ASZ1: variants seen among roughly 807,000 people sequenced by gnomAD.
ASZ1 encodes ankyrin repeat, SAM and basic leucine zipper domain containing 1.
In ASZ1, 67 loss-of-function variants were observed where a neutral mutation model predicts 61.8. The observed-to-expected ratio is 1.08, with a 90% CI of 0.89 to 1.33. The LOEUF is 1.33. ASZ1 is among the 40% of genes most tolerant of loss of function. ASZ1 has a pLI of 0.00. For missense variants in ASZ1, 577 were observed against 554.5 expected, an observed-to-expected ratio of 1.04 and a Z score of -0.41; for synonymous variants, 193 against 192.7, an observed-to-expected ratio of 1.00 and a Z score of -0.01.
At chr7:117,375,322 T>A (rs532769407) in intron 10 of ASZ1, among the ~76,000 whole-genome samples, 1 of 152,184 alleles carries the variant, frequency 6.6e-6, no homozygotes, top group East Asian at 1.9e-4. Context: ...TCTTATTTAT[T>A]CTGGACCTTA....
Position 117,425,514 on chromosome 7 carries a change from C to T in ASZ1, c.205+1322G>A, listed in dbSNP as rs1413349102. ...CGATCTCCTGACCTCGTGATCCGCCCGCCTTGGACTCCCAAAGTGCTGGGA... is the reference window on the plus strand; with the variant it reads ...CGATCTCCTGACCTCGTGATCCGCCTGCCTTGGACTCCCAAAGTGCTGGGA... On this transcript the variant is annotated intron_variant, in intron 2 of 12. Coordinates refer to ENST00000284629, the MANE Select transcript of ASZ1 (RefSeq NM_130768.3). 3.9e-5 allele frequency among the ~76,000 whole-genome samples: 6 copies of T among 151,946 alleles called. 1 individual carries two copies. The South Asian group carries it at 1.0e-3, about 26-fold the overall frequency.
At chr7:117,419,868 C>T (rs17139819) in intron 4 of ASZ1, among the ~76,000 whole-genome samples, 3,197 of 152,198 alleles carry the variant, frequency 0.021, 111 homozygotes, top group African/African-American at 0.073. Context: ...ACAGGTCAAT[C>T]GTCATATTCT....
At chr7:117,411,698 G>A (rs938410082) in intron 4 of ASZ1, among the ~76,000 whole-genome samples, 1 of 151,744 alleles carries the variant, frequency 6.6e-6, no homozygotes, top group African/African-American at 2.4e-5. Flanking sequence ...TGCTTACTCT[G>A]TGGCTAGGCA....
chr7:117,420,179 G>C lies in ASZ1; in HGVS notation c.424C>G (p.Pro142Ala). The C allele has an allele frequency of 6.2e-7, 1 of 1,609,964 alleles. No homozygotes were observed. The highest frequency in any genetic ancestry group is 8.5e-7 in the Non-Finnish European group (1 of 1,178,478). The change falls in exon 4 of 13, where the codon CCA becomes GCA. Residue 142 changes from proline (P) to alanine (A), a missense_variant. Coordinates refer to ENST00000284629, the MANE Select transcript of ASZ1 (RefSeq NM_130768.3). Reference sequence around the variant, plus strand: ...GGCTCTTACCTACAAGCAACATTTGGATCAGCATTTCTTGAAAGTAGTAGT... The same window carrying C: ...GGCTCTTACCTACAAGCAACATTTGCATCAGCATTTCTTGAAAGTAGTAGT... Reference protein sequence around the residue: ...VELLLSRNADPNVACRRLMTP... With the variant: ...VELLLSRNADANVACRRLMTP...
At chr7:117,388,946 G>A (rs981892202) in intron 4 of ASZ1, among the ~76,000 whole-genome samples, 3 of 152,058 alleles carry the variant, frequency 2.0e-5, no homozygotes, top group African/African-American at 7.2e-5. Flanking sequence ...GCATTCAAGA[G>A]AAATATTTAA....
intron 5 of ASZ1, among the ~76,000 whole-genome samples, chr7:117,385,188 T>A (rs758344449): frequency 1.3e-5 from 2 of 151,684 alleles, no homozygotes; most frequent in African/African-American, 2.4e-5. Flanking sequence ...GATTTTGCTG[T>A]GTGTTACAAT....
chr7:117,379,840 G>T, intron 10 of ASZ1, 98 bp downstream of exon 10: 1 of 711,832 alleles, frequency 1.4e-6, no homozygotes, highest in South Asian at 2.3e-5. Context: ...GAAAATGATG[G>T]TATCAAGTAA....
intron 4 of ASZ1, among the ~76,000 whole-genome samples, chr7:117,419,550 C>G (rs932903709): frequency 1.3e-5 from 2 of 151,940 alleles, no homozygotes; most frequent in Admixed American, 1.3e-4. Context: ...AAATGAAACA[C>G]AAAGAGAGAT....
At chr7:117,408,223 T>A (rs1796828641) in intron 4 of ASZ1, among the ~76,000 whole-genome samples, 1 of 152,128 alleles carries the variant, frequency 6.6e-6, no homozygotes, top group Non-Finnish European at 1.5e-5. Flanking sequence ...CCACAACCAG[T>A]CATCTCATTA....
chr7:117,370,933 T>C (rs1409107113), intron 10 of ASZ1, among the ~76,000 whole-genome samples: 1 of 151,816 alleles, frequency 6.6e-6, no homozygotes, highest in Admixed American at 6.6e-5. Context: ...CAAGTGATTC[T>C]CATGCCTCAG....
chr7:117,385,559 C>G (rs1796337782), intron 5 of ASZ1, 139 bp downstream of exon 5: 2 of 711,424 alleles, frequency 2.8e-6, no homozygotes, highest in African/African-American at 1.8e-5. Context: ...CCATACCCTT[C>G]TATTTCAACT....
rs1751112615 is a variant in ASZ1 at position 117,382,969 on chromosome 7, A to T, written c.812+17T>A. ...TTACTTATAGGTATTCTGTTGAACT[A>T]AAACATGCTATATTACCTAAAAATG... is the stretch of plus-strand genomic sequence containing the variant. On this transcript the variant is annotated intron_variant, in intron 7 of 12. Coordinates refer to ENST00000284629, the MANE Select transcript of ASZ1 (RefSeq NM_130768.3). 2 of 1,539,070 alleles carry T rather than the reference A, an allele frequency of 1.3e-6. No homozygotes were observed. The highest frequency in any genetic ancestry group is 1.4e-5 in the African/African-American group (1 of 71,072).
chr7:117,377,024 TCAAA>T (rs1163369155), intron 10 of ASZ1, among the ~76,000 whole-genome samples: 3 of 152,016 alleles, frequency 2.0e-5, no homozygotes, highest in Admixed American at 1.3e-4. Context: ...ATAGAAAATC[TCAAA>T]CAATCTACAA....
At chr7:117,380,535 C>G (rs1043064013) in intron 9 of ASZ1, among the ~76,000 whole-genome samples, 1 of 151,572 alleles carries the variant, frequency 6.6e-6, no homozygotes, top group Admixed American at 6.6e-5. Flanking sequence ...GTCATGCAGT[C>G]AGATCATTGC....
At chr7:117,364,931 G>A (rs1220249258) in intron 12 of ASZ1, among the ~76,000 whole-genome samples, 1 of 151,956 alleles carries the variant, frequency 6.6e-6, no homozygotes. Context: ...GTGATGTGGT[G>A]TTAAAGTCTA....
intron 10 of ASZ1, among the ~76,000 whole-genome samples, chr7:117,372,501 C>T (rs1254271062): frequency 2.0e-5 from 3 of 152,032 alleles, no homozygotes; most frequent in Non-Finnish European, 2.9e-5. Flanking sequence ...ATGATATAGA[C>T]GATCAGGAAA....
At chr7:117,406,881 C>G (rs1025816029) in intron 4 of ASZ1, among the ~76,000 whole-genome samples, 14 of 151,882 alleles carry the variant, frequency 9.2e-5, no homozygotes, top group African/African-American at 3.4e-4. Context: ...GTTAAAAGTA[C>G]TAATTTAGAG....
At chr7:117,388,885 G>GTTTCTATATATAAA (rs1796410315) in intron 4 of ASZ1, among the ~76,000 whole-genome samples, 1 of 152,102 alleles carries the variant, frequency 6.6e-6, no homozygotes, top group Admixed American at 6.6e-5. Flanking sequence ...TAGAAAACCT[G>GTTTCTATATATAAA]ATGGACTCCA....
chr7:117,403,684 A>G (rs575566980), intron 4 of ASZ1, among the ~76,000 whole-genome samples: 31 of 152,154 alleles, frequency 2.0e-4, no homozygotes, highest in Non-Finnish European at 3.7e-4. Context: ...TATTGCTGTT[A>G]TAGGTCCTTG....
Sources: gnomAD v4.1 joint callset for allele counts (sites outside exome capture counted in the v4.1 genomes callset) on GRCh38, gnomAD v4.1.1 for gene constraint, MANE v1.5 for transcripts, NCBI Gene and HGNC (gene_info 2026-07-23, HGNC 2026-07-21) for gene names.